Variants in EPB41L1 observed in about 807,000 individuals in gnomAD.
EPB41L1 encodes the protein band 4.1-like protein 1.
EPB41L1 carries 29 observed loss-of-function variants against 97.8 expected under a neutral mutation model. The observed-to-expected ratio is 0.30, with a 90% CI of 0.22 to 0.40. The LOEUF is 0.40. Among genes scored for constraint, EPB41L1 ranks in the 10% least tolerant of loss-of-function variants. The pLI is 1.00. For synonymous variants in EPB41L1, 383 were observed against 459.2 expected, an observed-to-expected ratio of 0.83 and a Z score of 2.12; for missense variants, 812 against 1,162.3, an observed-to-expected ratio of 0.70 and a Z score of 4.38.
intron 1 of EPB41L1, among the ~76,000 whole-genome samples, chr20:36,161,398 C>T (rs979941177): frequency 3.5e-4 from 53 of 152,100 alleles, no homozygotes; most frequent in African/African-American, 1.2e-3. Context: ...CTAGAGCAAG[C>T]TTCATGTGCA....
chr20:36,179,391 G>T lies in EPB41L1; in HGVS notation c.490+719G>T, dbSNP rs149978188. ...CCTTTCCTCAGAGGCCCAGAGAGAG[G>T]CAGTTATTACCTAAGGTCACAGAGC... On this transcript the variant is annotated intron_variant, in intron 5 of 21. Coordinates refer to ENST00000338074, the MANE Select transcript of EPB41L1 (RefSeq NM_012156.2). 2.0e-5 allele frequency among the ~76,000 whole-genome samples: 3 copies of T among 152,334 alleles called. No individual in the cohort carries two copies. In the East Asian group the frequency reaches 5.8e-4, roughly 29 times the overall value.
chr20:36,204,711 G>A (rs1422567326), intron 14 of EPB41L1, among the ~76,000 whole-genome samples: 2 of 150,416 alleles, frequency 1.3e-5, no homozygotes, highest in Non-Finnish European at 3.0e-5. Flanking sequence ...GCACAGTCTC[G>A]GCTCACTGCA....
In EPB41L1 at chr20:36,227,433, C is replaced by T. The variant is rs145624921; in HGVS notation, c.2638-1899C>T. Among the ~76,000 whole-genome samples the T allele has an allele frequency of 8.4e-3, 1,276 of 152,314 alleles. 15 individuals are homozygous for T. Among genetic ancestry groups the T allele is most frequent in the African/African-American group, 0.029 (1,212 of 41,574 alleles). On this transcript the variant is annotated intron_variant, in intron 21 of 21. Coordinates refer to ENST00000338074, the MANE Select transcript of EPB41L1 (RefSeq NM_012156.2). ...AGAGGAACCTCTCTGACCTCAGTTT[C>T]CTCATCTGCAAAATGTCATTAATGT...
At chr20:36,126,363 AT>A (rs1208994726) in intron 2 of EPB41L1, among the ~76,000 whole-genome samples, 8,238 of 135,220 alleles carry the variant, frequency 0.061, 467 homozygotes, top group African/African-American at 0.18. Flanking sequence ...AGTTAGTGGA[AT>A]TTTTTTTTTT....
intron 1 of EPB41L1, among the ~76,000 whole-genome samples, chr20:36,159,585 C>T (rs528015739): frequency 4.1e-4 from 63 of 152,294 alleles, no homozygotes; most frequent in African/African-American, 1.4e-3. Flanking sequence ...TTCATTGTTT[C>T]GTCGCAGCAT....
intron 21 of EPB41L1, among the ~76,000 whole-genome samples, chr20:36,223,459 A>G (rs1900515215): frequency 6.6e-6 from 1 of 152,254 alleles, no homozygotes; most frequent in Non-Finnish European, 1.5e-5. Flanking sequence ...TGGGGCAGAT[A>G]GGGCTTTTAA....
At chr20:36,126,901 A>G (rs895032842) in intron 2 of EPB41L1, among the ~76,000 whole-genome samples, 31 of 152,262 alleles carry the variant, frequency 2.0e-4, no homozygotes, top group African/African-American at 7.5e-4. Context: ...ATAATGCCAC[A>G]GCTGGGCTTG....
intron 4 of EPB41L1, 30 bp from the exon 5 acceptor site, chr20:36,178,600 C>T: frequency 6.2e-7 from 1 of 1,612,234 alleles, no homozygotes; most frequent in Non-Finnish European, 8.5e-7. Context: ...CCTGCGTCTT[C>T]CCTCTGAAGA....
At chr20:36,102,272 T>C (rs1224963721) in intron 1 of EPB41L1, among the ~76,000 whole-genome samples, 1 of 152,106 alleles carries the variant, frequency 6.6e-6, no homozygotes, top group Non-Finnish European at 1.5e-5. Flanking sequence ...ATGCACAATG[T>C]TAAGAGTGTG....
In EPB41L1 at chr20:36,190,991, C is replaced by T. The variant is rs766225687; in HGVS notation, c.1300+194C>T. Among the ~76,000 whole-genome samples, 20 of 152,148 alleles carry T rather than the reference C, an allele frequency of 1.3e-4. No individual in the cohort carries two copies. The highest frequency in any genetic ancestry group is 2.1e-4 in the Non-Finnish European group (14 of 68,024). ...GCTTAGTCCCAACCTAGAGCTCACT[C>T]CCACTTGAGATGTGATACTACCACT... On this transcript the variant is annotated intron_variant, in intron 11 of 21. Coordinates refer to ENST00000338074, the MANE Select transcript of EPB41L1 (RefSeq NM_012156.2). The surrounding 1 kb of genome is among the most constrained non-coding windows in gnomAD (Gnocchi z 5.8).
At chr20:36,128,594 G>T (rs879566265) in intron 2 of EPB41L1, among the ~76,000 whole-genome samples, 1 of 152,198 alleles carries the variant, frequency 6.6e-6, no homozygotes, top group Admixed American at 6.5e-5. Flanking sequence ...CCCTGCCTTG[G>T]CCCCGTGACA....
chr20:36,126,073 C>T (rs776059480), intron 2 of EPB41L1, among the ~76,000 whole-genome samples: 28 of 152,072 alleles, frequency 1.8e-4, no homozygotes, highest in Non-Finnish European at 3.4e-4. Flanking sequence ...GTTTTGATGC[C>T]TGTAGTTTGA....
At chr20:36,161,978 G>A (rs2060548234) in intron 1 of EPB41L1, among the ~76,000 whole-genome samples, 1 of 152,168 alleles carries the variant, frequency 6.6e-6, no homozygotes, top group African/African-American at 2.4e-5. Context: ...TGCCCAGACT[G>A]CTCTCAAACT....
chr20:36,195,205 G>A lies in EPB41L1; in HGVS notation c.1450-124G>A. On this transcript the variant is annotated intron_variant, in intron 12 of 21. Coordinates refer to ENST00000338074, the MANE Select transcript of EPB41L1 (RefSeq NM_012156.2). The surrounding 1 kb of genome is among the most constrained non-coding windows in gnomAD (Gnocchi z 4.6). ...TGCTGGTGGCCCACCCAGCTGCCCT[G>A]GCCTCCACTTGGTCGAGTGTGCGTG... The A allele has an allele frequency of 8.6e-7, 1 of 1,164,286 alleles. No individual in the cohort carries two copies. Among genetic ancestry groups the A allele is most frequent in the Non-Finnish European group, 1.3e-6 (1 of 787,496 alleles). 72.1% of individuals were successfully genotyped at this position (1,164,286 alleles called of 1,614,324 possible).
intron 2 of EPB41L1, among the ~76,000 whole-genome samples, chr20:36,142,150 A>G (rs1325478504): frequency 6.6e-6 from 1 of 151,748 alleles, no homozygotes; most frequent in Non-Finnish European, 1.5e-5. Flanking sequence ...CAAAAAACGT[A>G]TTTTGTAGAA....
intron 1 of EPB41L1, among the ~76,000 whole-genome samples, chr20:36,162,925 A>G (rs994248276): frequency 6.6e-6 from 1 of 151,990 alleles, no homozygotes; most frequent in African/African-American, 2.4e-5. Flanking sequence ...TCCCTTTTTG[A>G]TCCTTCTTGC....
intron 17 of EPB41L1, among the ~76,000 whole-genome samples, chr20:36,216,037 G>GA (rs2063421577): frequency 6.6e-6 from 1 of 152,180 alleles, no homozygotes; most frequent in Non-Finnish European, 1.5e-5. Flanking sequence ...GAGGGGGAAC[G>GA]AAAGCAATCT....
chr20:36,118,969 A>T (rs1309756483), intron 2 of EPB41L1, among the ~76,000 whole-genome samples: 1 of 152,218 alleles, frequency 6.6e-6, no homozygotes, highest in Non-Finnish European at 1.5e-5. Flanking sequence ...GAGAGTTGAA[A>T]TAAGTTTTTA....
At chr20:36,119,922 T>G (rs2058699826) in intron 2 of EPB41L1, among the ~76,000 whole-genome samples, 1 of 152,116 alleles carries the variant, frequency 6.6e-6, no homozygotes, top group Non-Finnish European at 1.5e-5. Context: ...CTCTGTACCC[T>G]CTGCGCTGGT....
Sources: allele counts gnomAD v4.1 joint callset (sites outside exome capture counted in the v4.1 genomes callset), GRCh38; gene constraint gnomAD v4.1.1; non-coding constraint Gnocchi (gnomAD v3.1); transcripts MANE v1.5; gene names NCBI Gene and HGNC (gene_info 2026-07-23, HGNC 2026-07-21).